MAN1A2: variants seen among roughly 807,000 people sequenced by gnomAD.
MAN1A2 encodes mannosidase alpha class 1A member 2.
Under a neutral mutation model 75.7 loss-of-function variants are expected in MAN1A2, and 26 were observed. The ratio of observed to expected loss-of-function variants is 0.34; its 90% CI spans 0.25 to 0.48. The LOEUF (loss-of-function observed/expected upper bound fraction) is 0.48. Ranked by LOEUF, MAN1A2 falls within the 20% of genes least tolerant of loss-of-function variation. The pLI is 0.99. For missense variants in MAN1A2, 562 were observed against 775.5 expected, an observed-to-expected ratio of 0.72 and a Z score of 3.27; for synonymous variants, 247 against 264.6, an observed-to-expected ratio of 0.93 and a Z score of 0.65.
At chr1:117,454,213 C>G (rs576949387) in intron 6 of MAN1A2, among the ~76,000 whole-genome samples, 19 of 152,232 alleles carry the variant, frequency 1.2e-4, no homozygotes, top group African/African-American at 4.3e-4. Context: ...CCCATAATAT[C>G]TCTGAGATAT....
At chr1:117,420,679 T>G (rs1161766724) in intron 5 of MAN1A2, 30 bp downstream of exon 5, 1 of 1,456,460 alleles carries the variant, frequency 6.9e-7, no homozygotes, top group Non-Finnish European at 9.6e-7. Context: ...GCATTGTTTG[T>G]TTTGGAGGGG....
chr1:117,493,467 T>TGACAAAAAAAA (rs1650948859), intron 9 of MAN1A2: 3 of 396,172 alleles, frequency 7.6e-6, no homozygotes, highest in Non-Finnish European at 1.4e-5. Flanking sequence ...GTGACATTTT[T>TGACAAAAAAAA]AAAGAAATTT....
chr1:117,463,538 C>T (rs1314442721), intron 7 of MAN1A2, among the ~76,000 whole-genome samples: 6 of 147,966 alleles, frequency 4.1e-5, no homozygotes, highest in South Asian at 2.1e-4. Flanking sequence ...CACACACACA[C>T]GAGGAACTCA....
intron 3 of MAN1A2, among the ~76,000 whole-genome samples, chr1:117,406,608 G>A (rs1647626174): frequency 6.6e-6 from 1 of 152,136 alleles, no homozygotes; most frequent in African/African-American, 2.4e-5. Flanking sequence ...TGTTGTGGTA[G>A]AGGAGTAAAG....
At chr1:117,423,944 G>A (rs371290143) in intron 5 of MAN1A2, among the ~76,000 whole-genome samples, 8 of 149,132 alleles carry the variant, frequency 5.4e-5, no homozygotes, top group Non-Finnish European at 1.2e-4. Context: ...GTGCAATGGC[G>A]CGATCACAGC....
intron 3 of MAN1A2, among the ~76,000 whole-genome samples, chr1:117,407,812 A>C (rs964775130): frequency 2.0e-5 from 3 of 152,190 alleles, no homozygotes; most frequent in Admixed American, 6.5e-5. Context: ...TGATATAATC[A>C]AGCTGGTTTC....
chr1:117,513,282 C>T (rs1200146308), intron 12 of MAN1A2, among the ~76,000 whole-genome samples: 1 of 152,120 alleles, frequency 6.6e-6, no homozygotes, highest in African/African-American at 2.4e-5. Flanking sequence ...CTCAACACTA[C>T]TGAACTGTAC....
chr1:117,397,084 C>G (rs1008325309), intron 1 of MAN1A2, among the ~76,000 whole-genome samples: 53 of 152,030 alleles, frequency 3.5e-4, no homozygotes, highest in African/African-American at 1.2e-3. Context: ...AATAGGAGGT[C>G]TGACTGAATT....
At chr1:117,433,959 G>C (rs1342622148) in intron 5 of MAN1A2, among the ~76,000 whole-genome samples, 1 of 152,176 alleles carries the variant, frequency 6.6e-6, no homozygotes, top group Non-Finnish European at 1.5e-5. Flanking sequence ...TTGGAAATGT[G>C]ATTATATGGC....
At chr1:117,402,150 C>T (rs373625891) in intron 1 of MAN1A2, 36 bp from the exon 2 acceptor site, 21 of 1,573,304 alleles carry the variant, frequency 1.3e-5, no homozygotes, top group Non-Finnish European at 1.7e-5. Flanking sequence ...CTTAAGTAGG[C>T]TCACTGTTAC....
At chr1:117,369,489 G>A (rs1315804893) in intron 1 of MAN1A2, among the ~76,000 whole-genome samples, 2 of 152,104 alleles carry the variant, frequency 1.3e-5, no homozygotes, top group Non-Finnish European at 2.9e-5. Flanking sequence ...GTCAAGCACC[G>A]AAAAAGCTTA....
chr1:117,398,173 T>A (rs1647272836), intron 1 of MAN1A2, among the ~76,000 whole-genome samples: 1 of 152,184 alleles, frequency 6.6e-6, no homozygotes, highest in Non-Finnish European at 1.5e-5. Context: ...AGACAGGCAT[T>A]ACTCAAAGAA....
At chr1:117,488,983 C>G (rs1650796464) in intron 8 of MAN1A2, among the ~76,000 whole-genome samples, 1 of 152,062 alleles carries the variant, frequency 6.6e-6, no homozygotes, top group South Asian at 2.1e-4. Flanking sequence ...TTTAAAAACA[C>G]ATTTTGAGAA....
intron 1 of MAN1A2, among the ~76,000 whole-genome samples, chr1:117,383,376 G>T (rs1653417619): frequency 6.6e-6 from 1 of 152,030 alleles, no homozygotes; most frequent in African/African-American, 2.4e-5. Flanking sequence ...AGTATTTTGA[G>T]GATTTTTGCA....
intron 8 of MAN1A2, among the ~76,000 whole-genome samples, chr1:117,489,752 T>G (rs886466156): frequency 1.3e-5 from 2 of 152,094 alleles, no homozygotes; most frequent in Non-Finnish European, 2.9e-5. Flanking sequence ...TGCATTTTAC[T>G]TTTAAATGAT....
At chr1:117,423,876 T>C (rs1004389801) in intron 5 of MAN1A2, among the ~76,000 whole-genome samples, 1 of 150,312 alleles carries the variant, frequency 6.7e-6, no homozygotes, top group African/African-American at 2.4e-5. Flanking sequence ...TTTTTTTCTT[T>C]CTTTCTTTCT....
At chr1:117,421,738 C>A (rs1369998968) in intron 5 of MAN1A2, among the ~76,000 whole-genome samples, 1 of 151,344 alleles carries the variant, frequency 6.6e-6, no homozygotes, top group Non-Finnish European at 1.5e-5. Context: ...TTGTTTATAC[C>A]TCTAACATAT....
At chr1:117,455,445 C>T (rs1474355776) in intron 6 of MAN1A2, among the ~76,000 whole-genome samples, 1 of 151,972 alleles carries the variant, frequency 6.6e-6, no homozygotes, top group Admixed American at 6.6e-5. Flanking sequence ...TGTCATAACC[C>T]ATTGAATGGT....
chr1:117,507,813 C>G (rs1396602719), intron 12 of MAN1A2, among the ~76,000 whole-genome samples: 2 of 151,652 alleles, frequency 1.3e-5, no homozygotes, highest in Non-Finnish European at 3.0e-5. Context: ...CTACTGTCCC[C>G]TCTCCAGCTG....
Sources: allele counts gnomAD v4.1 joint callset (sites outside exome capture counted in the v4.1 genomes callset), GRCh38; gene constraint gnomAD v4.1.1; transcripts MANE v1.5; gene names NCBI Gene and HGNC (gene_info 2026-07-23, HGNC 2026-07-21).